Variants in CCDC102B observed in about 807,000 individuals in gnomAD.
The protein encoded by CCDC102B is coiled-coil domain-containing protein 102B.
CCDC102B carries 75 observed loss-of-function variants against 57.4 expected under a neutral mutation model. The ratio of observed to expected loss-of-function variants is 1.31; its 90% confidence interval spans 1.08 to 1.58. The LOEUF is 1.58. Ranked by LOEUF, CCDC102B falls within the 40% of genes most tolerant of loss-of-function variation. CCDC102B has a pLI of 0.00. For missense variants in CCDC102B, 636 were observed against 582.6 expected (o/e 1.09, Z -0.94); for synonymous variants, 206 against 201.9 (o/e 1.02, Z -0.17).
At position 69,022,235 on chromosome 18, in the gene CCDC102B, C is replaced by T. The variant is rs900499405; in HGVS notation, c.1434+11131C>T. Among the ~76,000 whole-genome samples the T allele has an allele frequency of 3.7e-5, 5 of 136,156 alleles. 1 individual carries two copies. Among genetic ancestry groups the T allele is most frequent in the African/African-American group, 1.4e-4 (4 of 29,304 alleles). 89.3% of individuals were successfully genotyped at this position (136,156 alleles called of 152,430 possible). A position where few individuals can be genotyped will look rare whatever the true frequency, so the allele number is the denominator to read the frequency against. On this transcript the variant is annotated intron_variant, in intron 7 of 7. Transcript: ENST00000360242. ...TATATATATATATAACACACACACA[C>T]GCGTGCGTGTGCACACACACACACA... is the stretch of plus-strand genomic sequence containing the variant.
At chr18:68,930,257 T>C (rs143527006) in intron 6 of CCDC102B, among the ~76,000 whole-genome samples, 1,811 of 148,808 alleles carry the variant, frequency 0.012, 20 homozygotes, top group East Asian at 0.032. Flanking sequence ...TACAATTATA[T>C]GCATTATATA....
chr18:69,051,846 A>T (rs1213028492), intron 7 of CCDC102B, among the ~76,000 whole-genome samples: 1 of 151,970 alleles, frequency 6.6e-6, no homozygotes, highest in African/African-American at 2.4e-5. Context: ...AAAAAATAAA[A>T]TTGGGTTTCT....
chr18:69,032,810 T>C (rs1159997003), intron 7 of CCDC102B, among the ~76,000 whole-genome samples: 1 of 152,114 alleles, frequency 6.6e-6, no homozygotes, highest in African/African-American at 2.4e-5. Flanking sequence ...TCAAGGCATC[T>C]ATTAAGCACC....
chr18:68,790,601 G>A (rs1473053765), intron 2 of CCDC102B, among the ~76,000 whole-genome samples: 7 of 150,402 alleles, frequency 4.7e-5, no homozygotes, highest in Admixed American at 2.6e-4. Context: ...TCCAGGTGCT[G>A]TCCCTCACCC....
At chr18:68,982,774 C>G (rs2050624965) in intron 6 of CCDC102B, among the ~76,000 whole-genome samples, 1 of 151,682 alleles carries the variant, frequency 6.6e-6, no homozygotes, top group Non-Finnish European at 1.5e-5. Flanking sequence ...CTATAATCCC[C>G]TTCTATAAAA....
At chr18:68,754,912 G>A (rs2033992540) in intron 2 of CCDC102B, 1 of 152,240 alleles carries the variant, frequency 6.6e-6, no homozygotes, top group Non-Finnish European at 1.5e-5. Flanking sequence ...TCAATGAAGA[G>A]GAAACGAGCC....
chr18:68,841,074 G>T (rs774014820), intron 3 of CCDC102B, among the ~76,000 whole-genome samples: 1 of 152,166 alleles, frequency 6.6e-6, no homozygotes, highest in Non-Finnish European at 1.5e-5. Context: ...CATGCAATCC[G>T]CATGAGGCAA....
chr18:68,770,340 T>C (rs1364536674), intron 2 of CCDC102B, among the ~76,000 whole-genome samples: 4 of 152,234 alleles, frequency 2.6e-5, no homozygotes, highest in African/African-American at 9.6e-5. Context: ...CATTTCAAAA[T>C]TCCAGTGGCA....
chr18:68,746,470 C>A (rs574794350), intron 2 of CCDC102B, among the ~76,000 whole-genome samples: 5 of 152,084 alleles, frequency 3.3e-5, no homozygotes, highest in Non-Finnish European at 7.4e-5. Flanking sequence ...ATAATCCAAG[C>A]CATACTGAGA....
intron 6 of CCDC102B, among the ~76,000 whole-genome samples, chr18:68,982,268 T>A (rs1362017710): frequency 6.6e-6 from 1 of 151,986 alleles, no homozygotes; most frequent in Non-Finnish European, 1.5e-5. Context: ...AATGCATGAA[T>A]GTTTTAATTT....
At chr18:68,783,372 C>T (rs996001279) in intron 2 of CCDC102B, among the ~76,000 whole-genome samples, 1 of 152,154 alleles carries the variant, frequency 6.6e-6, no homozygotes, top group Non-Finnish European at 1.5e-5. Context: ...GTCCCTTGTG[C>T]TCATGCTAGG....
At chr18:68,954,290 C>T (rs1305183233) in intron 6 of CCDC102B, among the ~76,000 whole-genome samples, 2 of 152,008 alleles carry the variant, frequency 1.3e-5, no homozygotes, top group African/African-American at 4.8e-5. Context: ...TGTGGTGGCA[C>T]ACATCTGTAA....
intron 1 of CCDC102B, among the ~76,000 whole-genome samples, chr18:68,833,536 G>A (rs1194727272): frequency 6.6e-6 from 1 of 152,030 alleles, no homozygotes; most frequent in Non-Finnish European, 1.5e-5. Context: ...AAGGTAGCTA[G>A]GGCTAACCAA....
At chr18:69,013,344 T>G (rs2051571421) in intron 7 of CCDC102B, among the ~76,000 whole-genome samples, 2 of 151,804 alleles carry the variant, frequency 1.3e-5, no homozygotes, top group Non-Finnish European at 2.9e-5. Flanking sequence ...CACATGGAGA[T>G]AGTGGAATGA....
chr18:69,003,766 A>G (rs1169673336), intron 6 of CCDC102B, among the ~76,000 whole-genome samples: 1 of 152,230 alleles, frequency 6.6e-6, no homozygotes, highest in African/African-American at 2.4e-5. Context: ...ACAGATGGGG[A>G]AAGTAGAACT....
intron 7 of CCDC102B, among the ~76,000 whole-genome samples, chr18:69,037,591 A>G (rs985430449): frequency 1.3e-5 from 2 of 152,008 alleles, no homozygotes; most frequent in South Asian, 2.1e-4. Context: ...TCATTGTATC[A>G]GCATCCTCAG....
intron 6 of CCDC102B, among the ~76,000 whole-genome samples, chr18:69,010,096 T>C (rs2051469723): frequency 1.4e-5 from 1 of 73,626 alleles, no homozygotes; most frequent in Non-Finnish European, 2.5e-5. Flanking sequence ...CATGCCCGGC[T>C]AATTTTTTTT....
At chr18:68,997,226 G>A (rs2051053348) in intron 6 of CCDC102B, among the ~76,000 whole-genome samples, 1 of 152,114 alleles carries the variant, frequency 6.6e-6, no homozygotes, top group African/African-American at 2.4e-5. Context: ...TTCTTTATCG[G>A]AGTGTGAAAA....
intron 2 of CCDC102B, among the ~76,000 whole-genome samples, chr18:68,764,381 T>C (rs775875063): frequency 3.9e-5 from 6 of 152,192 alleles, no homozygotes; most frequent in South Asian, 2.1e-4. Flanking sequence ...GCATGACTTC[T>C]AGTTTTACAG....
Sources: allele counts gnomAD v4.1 joint callset (sites outside exome capture counted in the v4.1 genomes callset), GRCh38; gene constraint gnomAD v4.1.1; transcripts MANE v1.5; gene names NCBI Gene and HGNC (gene_info 2026-07-23, HGNC 2026-07-21).